Variants in SCNM1 observed in about 807,000 individuals in gnomAD.
SCNM1 encodes sodium channel modifier 1.
Under a neutral mutation model 32.8 loss-of-function variants are expected in SCNM1, and 24 were observed. The observed-to-expected ratio is 0.73, with a 90% CI of 0.53 to 1.03. The LOEUF (loss-of-function observed/expected upper bound fraction) is 1.03, where lower values mean the gene tolerates loss of function less well. Ranked by LOEUF, SCNM1 falls within the 50% of genes least tolerant of loss-of-function variation. The probability of loss-of-function intolerance (pLI) is 0.00; values close to 1 mark genes in which losing one functional copy is unlikely to be tolerated. For missense variants in SCNM1, 274 were observed against 282.3 expected (o/e 0.97, Z 0.21); for synonymous variants, 99 against 103.2 (o/e 0.96, Z 0.25).
rs1033912257 is a variant in SCNM1, at chr1:151,170,060, T to C, written c.*975T>C. 6.2e-7 allele frequency: 1 copy of C among 1,613,970 alleles called. No homozygotes were observed. Among genetic ancestry groups the C allele is most frequent in the Non-Finnish European group, 8.5e-7 (1 of 1,179,858 alleles). On this transcript the variant is annotated 3_prime_UTR_variant, in exon 7 of 7. Coordinates refer to ENST00000368905, the MANE Select transcript of SCNM1 (RefSeq NM_024041.4). ...AAGTGTCCAGTGCTCCCAGCGCTAG[T>C]TGGTAAAGGGAAATGCAGTGTTATC...
chr1:151,166,609 T>TC (rs1491131415), intron 2 of SCNM1, 68 bp downstream of exon 2: 1 of 1,560,900 alleles, frequency 6.4e-7, no homozygotes, highest in East Asian at 2.3e-5. Context: ...TTTTTTTTTT[T>TC]TTCCTTTGAG....
At chr1:151,168,812 TTTTTTG>T (rs1683838392) in intron 6 of SCNM1, among the ~76,000 whole-genome samples, 168 bp from the exon 7 acceptor site, 1 of 143,400 alleles carries the variant, frequency 7.0e-6, no homozygotes, top group African/African-American at 2.6e-5. Flanking sequence ...TTTTTTTTTT[TTTTTTG>T]GTAGAGACAG....
chr1:151,166,577 G>A, intron 2 of SCNM1, 36 bp downstream of exon 2: 1 of 1,605,322 alleles, frequency 6.2e-7, no homozygotes, highest in Non-Finnish European at 8.5e-7. Context: ...TGAGGGTTCT[G>A]CGGTTAGAGG....
Position 151,169,796 on chromosome 1 carries a change from A to G in SCNM1, c.*711A>G. The G allele has an allele frequency of 4.5e-6, 2 of 440,292 alleles. No homozygotes were observed. The highest frequency in any genetic ancestry group is 4.4e-5 in the East Asian group (1 of 22,974). The allele number at this position is 440,292 out of a possible 1,614,324, so 27.3% of individuals were successfully genotyped here. ...TGGCTAAGTTCCCTGTGAAAGTAGA[A>G]GAGTCAAAAGGCATTGGCAGGGTTA... On this transcript the variant is annotated 3_prime_UTR_variant, in exon 7 of 7. Transcript: ENST00000368905.
intron 1 of SCNM1, 80 bp from the exon 2 acceptor site, chr1:151,166,391 C>T (rs1683702151): frequency 6.3e-7 from 1 of 1,587,082 alleles, no homozygotes; most frequent in Non-Finnish European, 8.6e-7. Context: ...CCATTTCACT[C>T]CTCATTTCTA....
At position 151,166,714 on chromosome 1, in the gene SCNM1, G is replaced by T. The variant is rs587643130; in HGVS notation, c.122+173G>T. ...GTCGCGATTAGCTGGGTTTACAAGC[G>T]CATGCCACCACGCCTGGCTTCAACA... On this transcript the variant is annotated intron_variant, in intron 2 of 6. Coordinates refer to ENST00000368905, the MANE Select transcript of SCNM1 (RefSeq NM_024041.4). The T allele has an allele frequency of 1.5e-5, 19 of 1,264,662 alleles. No individual in the cohort carries two copies. The East Asian group carries it at 4.8e-4, about 32-fold the overall frequency. The allele number at this position is 1,264,662 out of a possible 1,614,324, so 78.3% of individuals were successfully genotyped here.
Position 151,170,024 on chromosome 1 carries a change from G to T in SCNM1, c.*939G>T, listed in dbSNP as rs749822284. The T allele has an allele frequency of 1.3e-6, 2 of 1,596,934 alleles. No homozygotes were observed. Among genetic ancestry groups the T allele is most frequent in the Admixed American group, 3.3e-5 (2 of 59,924 alleles). The stretch of plus-strand genomic sequence containing the variant: ...CTTTTATTTACAGGAAAGGAGGACA[G>T]ATGAGGATTTAAGTGTCCAGTGCTC... On this transcript the variant is annotated 3_prime_UTR_variant, in exon 7 of 7. Transcript: ENST00000368905.
chr1:151,168,890 G>A lies in SCNM1; in HGVS notation c.594-96G>A, dbSNP rs587623773. ...TGACCTCAAGTGATCCACCTGCCTC[G>A]GCCTCCCAGAGTGCTGGGATTACTG... On this transcript the variant is annotated intron_variant, in intron 6 of 6. Coordinates refer to ENST00000368905, the MANE Select transcript of SCNM1 (RefSeq NM_024041.4). 2,471 of 1,341,358 alleles carry A rather than the reference G, an allele frequency of 1.8e-3. 7 individuals are homozygous for A. Among genetic ancestry groups the A allele is most frequent in the Non-Finnish European group, 1.8e-3 (1,798 of 977,576 alleles). The allele number at this position is 1,341,358 out of a possible 1,614,324, so 83.1% of individuals were successfully genotyped here. A position where few individuals can be genotyped will look rare whatever the true frequency, so the allele number is the denominator to read the frequency against.
intron 1 of SCNM1, 32 bp from the exon 2 acceptor site, chr1:151,166,439 C>T: frequency 6.2e-7 from 1 of 1,613,568 alleles, no homozygotes; most frequent in Non-Finnish European, 8.5e-7. Context: ...TCCCGCTGAT[C>T]CCGTCCGGAT....
Position 151,168,358 on chromosome 1 carries a change from T to G in SCNM1, c.593+20T>G. The stretch of plus-strand genomic sequence containing the variant: ...TCGAAGGTGAGTATGCCTAATCAGT[T>G]TCCTCAGATTTTCTTTTCTCTCTGA... On this transcript the variant is annotated intron_variant, in intron 6 of 6. Transcript: ENST00000368905. 2 of 1,553,650 alleles carry G rather than the reference T, an allele frequency of 1.3e-6. No homozygotes were observed. The highest frequency in any genetic ancestry group is 1.7e-6 in the Non-Finnish European group (2 of 1,150,270).
rs1683902288 is a variant in SCNM1, at chr1:151,170,158, A to G, written c.*1073A>G. On this transcript the variant is annotated 3_prime_UTR_variant, in exon 7 of 7. Coordinates refer to ENST00000368905, the MANE Select transcript of SCNM1 (RefSeq NM_024041.4). ...TTTGTTCCAGCTCCTGCTTTCTGCA[A>G]AGGCACTCTTCTCCTTTCCAGTCCC... 3 of 1,607,248 alleles carry G rather than the reference A, an allele frequency of 1.9e-6. No homozygotes were observed. The highest frequency in any genetic ancestry group is 1.3e-5 in the African/African-American group (1 of 74,806).
rs1423235185 is a variant in SCNM1 at position 151,169,242 on chromosome 1, T to C, written c.*157T>C. 1 of 140,770 alleles carries C rather than the reference T, an allele frequency of 7.1e-6. No individual in the cohort carries two copies. Among genetic ancestry groups the C allele is most frequent in the South Asian group, 2.3e-4 (1 of 4,372 alleles). The allele number at this position is 140,770 out of a possible 1,614,324, so 8.7% of individuals were successfully genotyped here. A position where few individuals can be genotyped will look rare whatever the true frequency, so the allele number is the denominator to read the frequency against. On this transcript the variant is annotated 3_prime_UTR_variant, in exon 7 of 7. Coordinates refer to ENST00000368905, the MANE Select transcript of SCNM1 (RefSeq NM_024041.4). ...AAGGTACACAGCTCTCCACACTCCT[T>C]TTTTTTTTTTTTTTTTTTTTGAGGC...
At chr1:151,167,928 C>T (rs1389136467) in intron 5 of SCNM1, 3 of 470,498 alleles carry the variant, frequency 6.4e-6, no homozygotes, top group Non-Finnish European at 1.1e-5. Context: ...TGAAGAATAA[C>T]AGTTTTAAAA....
Position 151,166,468 on chromosome 1 carries a change from CAGAAA to C in SCNM1, c.54_58del (p.Arg19SerfsTer13), listed in dbSNP as rs751038771. 2.7e-5 allele frequency: 44 copies of C among 1,613,998 alleles called. No homozygotes were observed. In the African/African-American group the frequency reaches 5.7e-4, roughly 21 times the overall value. On this transcript the variant is annotated splice_acceptor_variant and coding_sequence_variant, in exon 2 of 7. Transcript: ENST00000368905. LOFTEE classifies it high-confidence loss of function. ...TCCGGATTTCTTCCCCTACTCCCTG[CAGAAA>C]AGAAGAGTCGGGGACCTCCTAGCCA... is the stretch of plus-strand genomic sequence containing the variant.
chr1:151,168,124 G>A lies in SCNM1; in HGVS notation c.399-20G>A. ...GGCCCTTTCCCTTACTGCTTTTACAGACTATTCTTCTCTACCTAGACCAGA... is the reference window on the plus strand; with the variant it reads ...GGCCCTTTCCCTTACTGCTTTTACAAACTATTCTTCTCTACCTAGACCAGA... On this transcript the variant is annotated intron_variant, in intron 5 of 6. Coordinates refer to ENST00000368905, the MANE Select transcript of SCNM1 (RefSeq NM_024041.4). 1 of 1,581,516 alleles carries A rather than the reference G, an allele frequency of 6.3e-7. No individual in the cohort carries two copies. Among genetic ancestry groups the A allele is most frequent in the East Asian group, 2.3e-5 (1 of 44,432 alleles).
At position 151,170,279 on chromosome 1, in the gene SCNM1, T is replaced by C; in HGVS notation, c.*1194T>C. The stretch of plus-strand genomic sequence containing the variant: ...CAAGAAACCACACCACAAATAAAAT[T>C]ACGATACCTCTAAACAAGTATGATT... On this transcript the variant is annotated 3_prime_UTR_variant, in exon 7 of 7. Transcript: ENST00000368905. 1 of 854,002 alleles carries C rather than the reference T, an allele frequency of 1.2e-6. No homozygotes were observed. Among genetic ancestry groups the C allele is most frequent in the South Asian group, 1.7e-5 (1 of 58,872 alleles). 52.9% of individuals were successfully genotyped at this position (854,002 alleles called of 1,614,324 possible).
Position 151,170,104 on chromosome 1 carries a change from C to G in SCNM1, c.*1019C>G, listed in dbSNP as rs113603232. The G allele has an allele frequency of 1.2e-6, 2 of 1,614,176 alleles. No individual in the cohort carries two copies. The highest frequency in any genetic ancestry group is 1.7e-6 in the Non-Finnish European group (2 of 1,180,018). On this transcript the variant is annotated 3_prime_UTR_variant, in exon 7 of 7. Coordinates refer to ENST00000368905, the MANE Select transcript of SCNM1 (RefSeq NM_024041.4). The stretch of plus-strand genomic sequence containing the variant: ...TGTTATCTCTTCTTTTGCTGGCGAC[C>G]TGTAAAGGAGCAATATTAAACATAA...
chr1:151,169,944 C>T lies in SCNM1; in HGVS notation c.*859C>T, dbSNP rs1482917359. ...TGGCAGTAACCCTTGGGGGTTAGCGCCAAGATTCTCACCCCAAAGCCCAAG... is the reference window on the plus strand; with the variant it reads ...TGGCAGTAACCCTTGGGGGTTAGCGTCAAGATTCTCACCCCAAAGCCCAAG... On this transcript the variant is annotated 3_prime_UTR_variant, in exon 7 of 7. Transcript: ENST00000368905. 8.2e-6 allele frequency: 8 copies of T among 980,784 alleles called. No individual in the cohort carries two copies. Among genetic ancestry groups the T allele is most frequent in the Non-Finnish European group, 1.3e-5 (8 of 627,404 alleles). The allele number at this position is 980,784 out of a possible 1,614,324, so 60.8% of individuals were successfully genotyped here.
At position 151,167,371 on chromosome 1, in the gene SCNM1, C is replaced by T. The variant is rs1391770599; in HGVS notation, c.355C>T (p.His119Tyr). 1 of 1,614,194 alleles carries T rather than the reference C, an allele frequency of 6.2e-7. No individual in the cohort carries two copies. Among genetic ancestry groups the T allele is most frequent in the Non-Finnish European group, 8.5e-7 (1 of 1,180,052 alleles). The stretch of plus-strand genomic sequence containing the variant: ...ACGACTTATCACCCAGAGTGCTCTG[C>T]ACAGAGCTCCCCACTATAACAGTTG... ...QTRLITQSAL[H>Y]RAPHYNSCCR... The change falls in exon 5 of 7, where the codon CAC (histidine) becomes TAC (tyrosine). Residue 119 changes from histidine (H) to tyrosine (Y), a missense_variant. Coordinates refer to ENST00000368905, the MANE Select transcript of SCNM1 (RefSeq NM_024041.4).
Sources: allele counts gnomAD v4.1 joint callset (sites outside exome capture counted in the v4.1 genomes callset), GRCh38; gene constraint gnomAD v4.1.1; transcripts MANE v1.5; gene names NCBI Gene and HGNC (gene_info 2026-07-23, HGNC 2026-07-21).